Variants in CEP170B observed in about 807,000 individuals in gnomAD.
CEP170B encodes centrosomal protein of 170 kDa protein B.
CEP170B carries 55 observed loss-of-function variants against 120.6 expected under a neutral mutation model. The observed-to-expected ratio is 0.46, with a 90% CI of 0.37 to 0.57. The LOEUF (loss-of-function observed/expected upper bound fraction) is 0.57, where lower values mean the gene tolerates loss of function less well. Ranked by LOEUF, CEP170B falls within the 20% of genes least tolerant of loss-of-function variation. CEP170B has a pLI of 0.00. For missense variants in CEP170B, 2,212 were observed against 2,253.3 expected (o/e 0.98, Z 0.37); for synonymous variants, 1,033 against 954.5 (o/e 1.08, Z -1.52).
At chr14:104,884,592 G>GAGTGGAGGCGATGCCGGGGGT (rs1566864574) in intron 9 of CEP170B, 43 bp downstream of exon 9, 2 of 1,512,640 alleles carry the variant, frequency 1.3e-6, no homozygotes, top group Non-Finnish European at 8.9e-7. Flanking sequence ...GGGAACGGGG[G>GAGTGGAGGCGATGCCGGGGGT]GGTGGAGGCG....
At position 104,883,865 on chromosome 14, in the gene CEP170B, A is replaced by G; in HGVS notation, c.1086A>G (p.Ser362=). 2.5e-6 allele frequency: 4 copies of G among 1,572,780 alleles called. No homozygotes were observed. The highest frequency in any genetic ancestry group is 1.2e-5 in the South Asian group (1 of 85,960). The stretch of plus-strand genomic sequence containing the variant: ...ACGAGGACGGCACGCAGAGTGACTC[A>G]GAGGACCCCCTGGCCAAGGCGGCCT... ...HKHEDGTQSD[S]EDPLAKAASA... The change falls in exon 9 of 19, where the codon TCA becomes TCG. Residue 362 remains serine, a synonymous_variant. Coordinates refer to ENST00000414716, the MANE Select transcript of CEP170B (RefSeq NM_001112726.3).
At position 104,896,225 on chromosome 14, in the gene CEP170B, G is replaced by A. The variant is rs566788713; in HGVS notation, c.*1267G>A. 9.1e-5 allele frequency: 22 copies of A among 240,678 alleles called. No homozygotes were observed. Among genetic ancestry groups the A allele is most frequent in the South Asian group, 5.3e-4 (11 of 20,686 alleles). 14.9% of individuals were successfully genotyped at this position (240,678 alleles called of 1,614,324 possible). ...GCACTGGGGACTGGAGGCTGGAAGC[G>A]GGTGGTGTGTGTCCCCTGTTTACTT... On this transcript the variant is annotated 3_prime_UTR_variant, in exon 19 of 19. Coordinates refer to ENST00000414716, the MANE Select transcript of CEP170B (RefSeq NM_001112726.3).
intron 16 of CEP170B, 59 bp from the exon 17 acceptor site, chr14:104,894,226 C>G: frequency 1.5e-6 from 2 of 1,337,152 alleles, no homozygotes; most frequent in Non-Finnish European, 2.2e-6. Flanking sequence ...AGAATTGTGC[C>G]TCAGCTCTGT....
At chr14:104,892,928 C>A in intron 13 of CEP170B, 48 bp from the exon 14 acceptor site, 1 of 1,546,362 alleles carries the variant, frequency 6.5e-7, no homozygotes, top group Non-Finnish European at 8.7e-7. Flanking sequence ...GCCCCTGCTG[C>A]CCCGACTTCC....
At chr14:104,878,716 G>A (rs1895989175) in intron 5 of CEP170B, among the ~76,000 whole-genome samples, 1 of 145,396 alleles carries the variant, frequency 6.9e-6, no homozygotes, top group South Asian at 2.2e-4. Context: ...CCAGCCTGCT[G>A]CAGTGACAGG....
Position 104,887,971 on chromosome 14 carries a change from C to A in CEP170B, c.3732C>A (p.Tyr1244Ter). 1 of 1,508,822 alleles carries A rather than the reference C, an allele frequency of 6.6e-7. No homozygotes were observed. The allele number at this position is 1,508,822 out of a possible 1,614,324, so 93.5% of individuals were successfully genotyped here. The stretch of plus-strand genomic sequence containing the variant: ...GGGCCCGCTCAGGCAGTGCCCGATA[C>A]ACCTCCAGTGAGTGCCAGGGCGGGT... Reference protein sequence around the residue: ...FSRARSGSARYTSTTQTPRAG... With the variant: ...FSRARSGSAR Residue 1244 changes from tyrosine (Y) to a stop codon, truncating the protein, a stop_gained, in exon 12 of 19, where the codon TAC becomes TAA. Transcript: ENST00000414716. LOFTEE classifies it high-confidence loss of function.
Position 104,885,479 on chromosome 14 carries a change from G to C in CEP170B, c.1881G>C (p.Arg627=). 4 of 1,564,140 alleles carry C rather than the reference G, an allele frequency of 2.6e-6. No homozygotes were observed. Among genetic ancestry groups the C allele is most frequent in the Non-Finnish European group, 3.5e-6 (4 of 1,155,924 alleles). ...CTGATGACGGGGGCGTGGCCCAGCG[G>C]ATGGCGCTACTGCAGGAGTTTGCCT... ...DESDDGGVAQ[R]MALLQEFASR... is the part of the protein sequence containing the mutation. Residue 627 remains arginine (R), a synonymous_variant, in exon 10 of 19, where the codon CGG becomes CGC. Transcript: ENST00000414716.
At chr14:104,882,603 G>A in intron 6 of CEP170B, 125 bp from the exon 7 acceptor site, 2 of 699,292 alleles carry the variant, frequency 2.9e-6, no homozygotes, top group East Asian at 5.6e-5. Context: ...GGCTGCCACA[G>A]GGCCAAGCTG....
Position 104,884,034 on chromosome 14 carries a change from T to C in CEP170B, c.1255T>C (p.Ser419Pro). 1 of 1,610,388 alleles carries C rather than the reference T, an allele frequency of 6.2e-7. No individual in the cohort carries two copies. Among genetic ancestry groups the C allele is most frequent in the Non-Finnish European group, 8.5e-7 (1 of 1,178,712 alleles). The change falls in exon 9 of 19, where the codon TCC becomes CCC. Residue 419 changes from serine to proline, a missense_variant. By Grantham distance (74) the Ser-to-Pro change is moderately conservative. Around this residue, in one of 2 missense-constraint regions of CEP170B, gnomAD observed 2,166 missense variants for 2,166.7 expected, o/e 1.00. Coordinates refer to ENST00000414716, the MANE Select transcript of CEP170B (RefSeq NM_001112726.3). ...FDEDTPRKKR[S>P]QSFTHSPSGD... ...CGAGGACACACCCCGAAAGAAGCGC[T>C]CCCAGTCCTTCACGCACAGCCCGTC... is the stretch of plus-strand genomic sequence containing the variant.
intron 3 of CEP170B, among the ~76,000 whole-genome samples, chr14:104,876,901 A>G (rs561240029): frequency 4.9e-4 from 75 of 152,164 alleles, no homozygotes; most frequent in Admixed American, 1.8e-3. Flanking sequence ...CTGCAAGAGC[A>G]GGGTTGGGGG....
chr14:104,878,361 C>G (rs1162114970), intron 4 of CEP170B, 82 bp from the exon 5 acceptor site: 1 of 1,433,620 alleles, frequency 7.0e-7, no homozygotes, highest in Non-Finnish European at 9.8e-7. Flanking sequence ...GGCCCTTGAG[C>G]TGGCACACCT....
chr14:104,894,354 G>C lies in CEP170B; in HGVS notation c.4341G>C (p.Val1447=), dbSNP rs749588739. ...CCAGGATCAACGCCGAGAACGAGGT[G>C]CCCATCCTGAAGACATCTAACAAGG... ...LEARINAENE[V]PILKTSNKEI... Residue 1447 remains valine, a synonymous_variant, in exon 17 of 19, where the codon GTG becomes GTC. Coordinates refer to ENST00000414716, the MANE Select transcript of CEP170B (RefSeq NM_001112726.3). 5.2e-5 allele frequency: 84 copies of C among 1,613,460 alleles called. No homozygotes were observed. Among genetic ancestry groups the C allele is most frequent in the Non-Finnish European group, 7.0e-5 (83 of 1,179,880 alleles).
Position 104,886,591 on chromosome 14 carries a change from C to T in CEP170B, c.2352C>T (p.Arg784=), listed in dbSNP as rs199984321. ...QEGPTWSRGR[R]SPRAPGEPTP... ...GGCCCACGTGGAGCAGGGGTCGGCG[C>T]TCACCAAGGGCCCCCGGGGAGCCAA... is the stretch of plus-strand genomic sequence containing the variant. The change falls in exon 12 of 19, where the codon CGC becomes CGT. Residue 784 remains arginine (R), a synonymous_variant. Transcript: ENST00000414716. 1.5e-5 allele frequency: 22 copies of T among 1,516,946 alleles called. No individual in the cohort carries two copies. In the East Asian group the frequency reaches 5.0e-4, roughly 34 times the overall value. 94.0% of individuals were successfully genotyped at this position (1,516,946 alleles called of 1,614,324 possible).
At position 104,893,573 on chromosome 14, in the gene CEP170B, C is replaced by A. The variant is rs767832238; in HGVS notation, c.4089C>A (p.Pro1363=). 6.2e-7 allele frequency: 1 copy of A among 1,604,772 alleles called. No homozygotes were observed. Among genetic ancestry groups the A allele is most frequent in the South Asian group, 1.1e-5 (1 of 89,022 alleles). The change falls in exon 15 of 19, where the codon CCC becomes CCA. Residue 1363 remains proline (P), a synonymous_variant. Coordinates refer to ENST00000414716, the MANE Select transcript of CEP170B (RefSeq NM_001112726.3). The part of the protein sequence containing the change: ...EASLNFQKVP[P]GSLNSRDFDQ... Reference sequence around the variant, plus strand: ...GCCTCAACTTCCAGAAGGTGCCGCCCGGCTCGCTGAACTCTCGGGACTTTG... The same window carrying A: ...GCCTCAACTTCCAGAAGGTGCCGCCAGGCTCGCTGAACTCTCGGGACTTTG...
At chr14:104,892,349 C>G (rs979677641) in intron 13 of CEP170B, among the ~76,000 whole-genome samples, 1 of 152,092 alleles carries the variant, frequency 6.6e-6, no homozygotes, top group Non-Finnish European at 1.5e-5. Context: ...TGGGCACATC[C>G]TAGGGGGACT....
chr14:104,889,967 TAGG>T (rs144591044), intron 13 of CEP170B, among the ~76,000 whole-genome samples: 496 of 20,574 alleles, frequency 0.024, 25 homozygotes, highest in African/African-American at 0.056. Context: ...GATGGATGGA[TAGG>T]AGGGTGGGTG....
Position 104,891,469 on chromosome 14 carries a change from C to T in CEP170B, c.3879-1507C>T, listed in dbSNP as rs978044268. 3.3e-5 allele frequency among the ~76,000 whole-genome samples: 5 copies of T among 151,634 alleles called. No individual in the cohort carries two copies. Among genetic ancestry groups the T allele is most frequent in the Non-Finnish European group, 5.9e-5 (4 of 67,942 alleles). ...AGAGTGGCCCACACTGGGGTGGAGGCGCAGGCACCTGAGGCTGTGAGCAGC... is the reference window on the plus strand; with the variant it reads ...AGAGTGGCCCACACTGGGGTGGAGGTGCAGGCACCTGAGGCTGTGAGCAGC... On this transcript the variant is annotated intron_variant, in intron 13 of 18. Transcript: ENST00000414716. This position sits in a 1 kb window ranked among gnomAD's most constrained non-coding sequence, Gnocchi z 4.3.
rs1166567328 is a variant in CEP170B, at chr14:104,883,206, A to C, written c.749A>C (p.Lys250Thr). ...GTGCCGGCACACGAGATGCCCACGA[A>C]GGATGCAGAGGCAGGTGGGGGCGGA... is the stretch of plus-strand genomic sequence containing the variant. Reference protein sequence around the residue: ...PEVPAHEMPTKDAEAGGGGAA... With the variant: ...PEVPAHEMPTTDAEAGGGGAA... Residue 250 changes from lysine (K) to threonine (T), a missense_variant, in exon 8 of 19, where the codon AAG becomes ACG. Lys to Thr is a moderately conservative substitution (Grantham distance 78). This residue lies in a region of CEP170B where 2,166 missense variants were observed against 2,166.7 expected (regional missense o/e 1.00). Coordinates refer to ENST00000414716, the MANE Select transcript of CEP170B (RefSeq NM_001112726.3). The C allele has an allele frequency of 6.2e-7, 1 of 1,610,686 alleles. No individual in the cohort carries two copies. The highest frequency in any genetic ancestry group is 1.3e-5 in the African/African-American group (1 of 74,568).
chr14:104,893,294 C>T (rs1896939400), intron 14 of CEP170B, among the ~76,000 whole-genome samples, 159 bp downstream of exon 14: 2 of 152,252 alleles, frequency 1.3e-5, no homozygotes, highest in Non-Finnish European at 2.9e-5. Context: ...CCCAAACGGC[C>T]ACCGGAGAGC....
Sources: allele counts gnomAD v4.1 joint callset (sites outside exome capture counted in the v4.1 genomes callset), GRCh38; gene constraint gnomAD v4.1.1; regional missense constraint gnomAD v4.1.1; non-coding constraint Gnocchi (gnomAD v3.1); transcripts MANE v1.5; gene names NCBI Gene and HGNC (gene_info 2026-07-23, HGNC 2026-07-21).